LYPD6: variants seen among roughly 807,000 people sequenced by gnomAD.
The protein encoded by LYPD6 is LY6/PLAUR domain containing 6, also known as ly6/PLAUR domain-containing protein 6.
A neutral mutation model predicts 22.7 loss-of-function variants in LYPD6; 15 were observed. The observed-to-expected ratio is 0.66, with a 90% CI of 0.44 to 1.02. LYPD6 has a LOEUF of 1.02. LYPD6 is among the 50% of genes least tolerant of loss of function. The pLI, the probability that LYPD6 is intolerant of heterozygous loss-of-function variation, is 0.00. For synonymous variants in LYPD6, 72 were observed against 77.5 expected, an observed-to-expected ratio of 0.93 and a Z score of 0.37; for missense variants, 189 against 208.4, an observed-to-expected ratio of 0.91 and a Z score of 0.57.
At chr2:149,418,591 A>T (rs777654681) in intron 1 of LYPD6, among the ~76,000 whole-genome samples, 1 of 152,210 alleles carries the variant, frequency 6.6e-6, no homozygotes, top group Non-Finnish European at 1.5e-5. Flanking sequence ...AATTCTCTCG[A>T]GACCTTGCGC....
intron 1 of LYPD6, among the ~76,000 whole-genome samples, chr2:149,334,462 T>C (rs1240560216): frequency 3.3e-5 from 5 of 152,294 alleles, no homozygotes; most frequent in South Asian, 2.1e-4. Flanking sequence ...AATACACACA[T>C]TGGAGGTAAT....
intron 1 of LYPD6, among the ~76,000 whole-genome samples, chr2:149,351,151 T>C (rs1295735259): frequency 6.6e-6 from 1 of 152,046 alleles, no homozygotes. Context: ...TCCCAGCACT[T>C]TGGGAGACCG....
intron 1 of LYPD6, among the ~76,000 whole-genome samples, chr2:149,363,253 A>G (rs1176902271): frequency 6.6e-6 from 1 of 152,328 alleles, no homozygotes; most frequent in Non-Finnish European, 1.5e-5. Context: ...CATGATGATC[A>G]AAGCTAACAT....
intron 1 of LYPD6, among the ~76,000 whole-genome samples, chr2:149,366,102 T>A (rs1458685436): frequency 6.6e-6 from 1 of 152,228 alleles, no homozygotes; most frequent in Non-Finnish European, 1.5e-5. Flanking sequence ...TTAAACCACA[T>A]GGAATTTCAC....
intron 1 of LYPD6, among the ~76,000 whole-genome samples, chr2:149,370,357 G>A (rs192626464): frequency 2.0e-5 from 3 of 152,150 alleles, no homozygotes; most frequent in Non-Finnish European, 2.9e-5. Context: ...GAATCCATAT[G>A]TTGGAACTTA....
chr2:149,364,803 A>G (rs1681630363), intron 1 of LYPD6, among the ~76,000 whole-genome samples: 1 of 152,158 alleles, frequency 6.6e-6, no homozygotes, highest in Non-Finnish European at 1.5e-5. Context: ...CACTCCCACC[A>G]GTAGTGTATG....
intron 1 of LYPD6, among the ~76,000 whole-genome samples, chr2:149,344,607 T>C (rs1397536176): frequency 6.6e-6 from 1 of 152,204 alleles, no homozygotes; most frequent in African/African-American, 2.4e-5. Flanking sequence ...ATTCTTCCCT[T>C]CATCTTTAGA....
chr2:149,461,023 C>G (rs1681076270), intron 3 of LYPD6, among the ~76,000 whole-genome samples: 1 of 151,830 alleles, frequency 6.6e-6, no homozygotes, highest in African/African-American at 2.4e-5. Flanking sequence ...TATTTAAAAA[C>G]AGGAAAATCA....
At chr2:149,455,253 G>C (rs1680929104) in intron 3 of LYPD6, among the ~76,000 whole-genome samples, 1 of 146,732 alleles carries the variant, frequency 6.8e-6, no homozygotes, top group Admixed American at 6.8e-5. Context: ...AACTTTTCTA[G>C]CAAGTTTTTT....
At chr2:149,334,355 A>G (rs1680994222) in intron 1 of LYPD6, among the ~76,000 whole-genome samples, 1 of 152,178 alleles carries the variant, frequency 6.6e-6, no homozygotes, top group East Asian at 1.9e-4. Context: ...CATACCAAAC[A>G]TGTACTGGGA....
chr2:149,407,064 A>T (rs919828407), intron 1 of LYPD6, among the ~76,000 whole-genome samples: 4 of 151,920 alleles, frequency 2.6e-5, no homozygotes, highest in Non-Finnish European at 4.4e-5. Flanking sequence ...ATTGGCCCCC[A>T]CTCTCTTCTG....
the LYPD6 span, among the ~76,000 whole-genome samples, chr2:149,483,166 C>A: frequency 6.6e-6 from 1 of 152,178 alleles, no homozygotes; most frequent in Non-Finnish European, 1.5e-5. Context: ...ATGTCAGGAG[C>A]CTGCCTTTGT....
intron 1 of LYPD6, among the ~76,000 whole-genome samples, chr2:149,382,769 T>TTTGATACCCTGTTTGCTATCAAA (rs1553516789): frequency 6.6e-6 from 1 of 151,690 alleles, no homozygotes; most frequent in Non-Finnish European, 1.5e-5. Flanking sequence ...AAGTAGTAGA[T>TTTGATACCCTGTTTGCTATCAAA]TTGATAGCCT....
intron 2 of LYPD6, among the ~76,000 whole-genome samples, chr2:149,446,249 CA>C (rs1169295859): frequency 3.3e-5 from 5 of 152,096 alleles, no homozygotes; most frequent in Non-Finnish European, 7.4e-5. Flanking sequence ...CATACAGATA[CA>C]AAAGTAATGG....
At chr2:149,432,193 C>T (rs772953746) in intron 1 of LYPD6, among the ~76,000 whole-genome samples, 4 of 152,154 alleles carry the variant, frequency 2.6e-5, no homozygotes, top group Non-Finnish European at 4.4e-5. Context: ...GCAAAACTGG[C>T]AGTTCCTCCA....
chr2:149,350,105 T>C (rs1260015022), intron 1 of LYPD6, among the ~76,000 whole-genome samples: 1 of 152,222 alleles, frequency 6.6e-6, no homozygotes, highest in Non-Finnish European at 1.5e-5. Flanking sequence ...GCATTCCTTT[T>C]TGATACAAAG....
chr2:149,357,784 G>T (rs1241478119), intron 1 of LYPD6, among the ~76,000 whole-genome samples: 115 of 136,942 alleles, frequency 8.4e-4, no homozygotes, highest in Middle Eastern at 3.7e-3. Flanking sequence ...TCTTTTCTTT[G>T]CTTTTTTTTT....
chr2:149,330,996 A>G (rs1680926005), intron 1 of LYPD6, among the ~76,000 whole-genome samples: 1 of 152,156 alleles, frequency 6.6e-6, no homozygotes, highest in African/African-American at 2.4e-5. Context: ...TGGGATGGAA[A>G]GGTCAGGAGC....
chr2:149,470,141 G>C (rs1416405716), intron 4 of LYPD6, among the ~76,000 whole-genome samples: 1 of 152,166 alleles, frequency 6.6e-6, no homozygotes, highest in Non-Finnish European at 1.5e-5. Flanking sequence ...CACGAGTAAG[G>C]TGGTGTAAAG....
Sources: gnomAD v4.1 joint callset for allele counts (sites outside exome capture counted in the v4.1 genomes callset) on GRCh38, gnomAD v4.1.1 for gene constraint, MANE v1.5 for transcripts, NCBI Gene and HGNC (gene_info 2026-07-23, HGNC 2026-07-21) for gene names.